Variants in CRISP2 observed in about 807,000 individuals in gnomAD.
The protein encoded by CRISP2 is cysteine-rich secretory protein 2.
In CRISP2, 29 loss-of-function variants were observed where a neutral mutation model predicts 31.7. The observed-to-expected ratio is 0.92, with a 90% CI of 0.68 to 1.25. The LOEUF is 1.25. CRISP2 is among the 50% of genes most tolerant of loss of function. CRISP2 has a pLI of 0.00. For missense variants in CRISP2, 318 were observed against 286.5 expected (o/e 1.11, Z -0.79); for synonymous variants, 111 against 101.4 (o/e 1.09, Z -0.57).
rs1178771533 is a variant in CRISP2 at position 49,695,878 on chromosome 6, G to A, written c.562C>T (p.Pro188Ser). The A allele has an allele frequency of 3.7e-6, 6 of 1,613,056 alleles. No homozygotes were observed. The Admixed American group carries it at 8.3e-5, about 22-fold the overall frequency. Residue 188 changes from proline (P) to serine (S), a missense_variant, in exon 9 of 10, where the codon CCT becomes TCT. Transcript: ENST00000339139. ...CAGTCATCAGGGCAACCGGCACAAG[G>A]TGTTCCTTGTTGGTACGGGGTATTC... ...RKNTPYQQGT[P>S]CAGCPDDCDK...
intron 5 of CRISP2, 88 bp downstream of exon 5, chr6:49,700,580 C>G: frequency 1.3e-6 from 1 of 765,780 alleles, no homozygotes; most frequent in Non-Finnish European, 2.3e-6. Context: ...CTTTGTAAAC[C>G]ACAAAGTTCT....
At chr6:49,693,011 G>A (rs758149072) in intron 9 of CRISP2, 111 bp from the exon 10 acceptor site, 40 of 1,048,594 alleles carry the variant, frequency 3.8e-5, no homozygotes, top group South Asian at 2.4e-4. Flanking sequence ...AGTTAGCATC[G>A]CTTACACTAC....
chr6:49,691,580 G>A (rs532212764), downstream of CRISP2, among the ~76,000 whole-genome samples: 59 of 151,914 alleles, frequency 3.9e-4, no homozygotes, highest in African/African-American at 1.3e-3. Flanking sequence ...TCATGATAGC[G>A]ATAGATCTCT....
chr6:49,698,271 C>T, intron 7 of CRISP2, 91 bp downstream of exon 7: 2 of 1,433,850 alleles, frequency 1.4e-6, no homozygotes, highest in Non-Finnish European at 1.9e-6. Flanking sequence ...GGACTGTTCT[C>T]CTAAATTGAA....
At chr6:49,703,428 A>G (rs1406561392) in intron 4 of CRISP2, among the ~76,000 whole-genome samples, 2 of 152,050 alleles carry the variant, frequency 1.3e-5, no homozygotes, top group Non-Finnish European at 2.9e-5. Flanking sequence ...CATTCTTACA[A>G]TGTTGATTTT....
chr6:49,697,751 C>A lies in CRISP2; in HGVS notation c.515+109G>T, dbSNP rs546365665. 1.3e-5 allele frequency: 20 copies of A among 1,583,676 alleles called. No homozygotes were observed. In the Middle Eastern group the frequency reaches 5.0e-4, roughly 40 times the overall value. On this transcript the variant is annotated intron_variant, in intron 8 of 9. Transcript: ENST00000339139. ...TAAAAAACATTTCCAAACGTTTATC[C>A]CCTCCCTTTTATTGAGATATGTTTT...
At chr6:49,709,054 C>T (rs187722545) in intron 4 of CRISP2, 77 bp downstream of exon 4, 49 of 1,229,946 alleles carry the variant, frequency 4.0e-5, no homozygotes, top group Middle Eastern at 1.9e-4. Flanking sequence ...TCTCTTACCC[C>T]CCTTTACTTT....
chr6:49,707,005 T>TA (rs968102871), intron 4 of CRISP2, among the ~76,000 whole-genome samples: 7 of 152,118 alleles, frequency 4.6e-5, no homozygotes, highest in African/African-American at 1.7e-4. Context: ...TCTCTCGACC[T>TA]AAAAAAATCT....
chr6:49,713,461 A>T lies in CRISP2; in HGVS notation c.-151+14T>A, dbSNP rs1768397988. 6.6e-6 allele frequency: 1 copy of T among 152,244 alleles called. No individual in the cohort carries two copies. Among genetic ancestry groups the T allele is most frequent in the Non-Finnish European group, 1.5e-5 (1 of 68,126 alleles). 9.4% of individuals were successfully genotyped at this position (152,244 alleles called of 1,614,324 possible). Reference sequence around the variant, plus strand: ...CCGTCCCTAGCCATTTCTAGTCTCCAATCCGGGTCTTACATTTACCCTGGC... The same window carrying T: ...CCGTCCCTAGCCATTTCTAGTCTCCTATCCGGGTCTTACATTTACCCTGGC... On this transcript the variant is annotated intron_variant, in intron 1 of 9. Transcript: ENST00000339139.
chr6:49,678,954 G>A, the CRISP2 span, among the ~76,000 whole-genome samples: 1 of 152,064 alleles, frequency 6.6e-6, no homozygotes, highest in Non-Finnish European at 1.5e-5. Flanking sequence ...TAATGAATGG[G>A]ACAATTTTAA....
At chr6:49,710,818 T>C (rs1767884434) in intron 3 of CRISP2, among the ~76,000 whole-genome samples, 2 of 152,134 alleles carry the variant, frequency 1.3e-5, no homozygotes, top group South Asian at 4.1e-4. Context: ...CAATACAAAT[T>C]TATTAAAGTT....
At chr6:49,704,516 T>C (rs941573266) in intron 4 of CRISP2, among the ~76,000 whole-genome samples, 6 of 152,194 alleles carry the variant, frequency 3.9e-5, no homozygotes, top group African/African-American at 1.4e-4. Context: ...CAAGGGCTGC[T>C]GTTCAGGTTC....
At chr6:49,685,719 A>C in the CRISP2 span, among the ~76,000 whole-genome samples, 1 of 152,182 alleles carries the variant, frequency 6.6e-6, no homozygotes, top group Non-Finnish European at 1.5e-5. Context: ...CCTAGAAGGA[A>C]TATGGCATTA....
intron 4 of CRISP2, among the ~76,000 whole-genome samples, chr6:49,702,066 TTA>T (rs1766079978): frequency 8.5e-6 from 1 of 117,628 alleles, no homozygotes; most frequent in Non-Finnish European, 1.7e-5. Flanking sequence ...TATGTATACA[TTA>T]ATATAATGTA....
chr6:49,681,859 A>G, the CRISP2 span, among the ~76,000 whole-genome samples: 2 of 151,964 alleles, frequency 1.3e-5, no homozygotes, highest in Non-Finnish European at 2.9e-5. Context: ...TCCATTTGTC[A>G]TATGTTAATC....
intron 9 of CRISP2, among the ~76,000 whole-genome samples, 197 bp downstream of exon 9, chr6:49,695,639 T>C (rs564813571): frequency 2.0e-5 from 3 of 152,240 alleles, no homozygotes; most frequent in Admixed American, 2.0e-4. Flanking sequence ...TACGGCAATA[T>C]GCTTTTCATT....
At chr6:49,697,086 T>C (rs1004329889) in intron 8 of CRISP2, among the ~76,000 whole-genome samples, 1 of 152,138 alleles carries the variant, frequency 6.6e-6, no homozygotes, top group Non-Finnish European at 1.5e-5. Context: ...CTATCTACAG[T>C]CTCGAAACAA....
In CRISP2 at chr6:49,692,802, T is replaced by C; in HGVS notation, c.703A>G (p.Thr235Ala). Residue 235 changes from threonine to alanine, a missense_variant, in exon 10 of 10, where the codon ACT becomes GCT. Coordinates refer to ENST00000339139, the MANE Select transcript of CRISP2 (RefSeq NM_003296.4). The part of the protein sequence containing the change: ...HELLKEKCKA[T>A]CLCENKIY ...TAAATTTTGTTCTCACATAGGCAAG[T>C]AGCCTTGCACTTTTCCTTGAGTAAC... 1 of 1,613,390 alleles carries C rather than the reference T, an allele frequency of 6.2e-7. No homozygotes were observed. The highest frequency in any genetic ancestry group is 8.5e-7 in the Non-Finnish European group (1 of 1,179,374).
intron 4 of CRISP2, 146 bp from the exon 5 acceptor site, chr6:49,700,930 A>G (rs1765561704): frequency 3.9e-6 from 2 of 518,848 alleles, no homozygotes; most frequent in Non-Finnish European, 6.7e-6. Context: ...AAGTTATTTA[A>G]ATAATAAAAG....
Sources: allele counts gnomAD v4.1 joint callset (sites outside exome capture counted in the v4.1 genomes callset), GRCh38; gene constraint gnomAD v4.1.1; transcripts MANE v1.5; gene names NCBI Gene and HGNC (gene_info 2026-07-23, HGNC 2026-07-21).